Variants in UNC5D observed in about 807,000 individuals in gnomAD.
UNC5D encodes netrin receptor UNC5D.
In UNC5D, 39 loss-of-function variants were observed where a neutral mutation model predicts 105.4. That is an observed-to-expected ratio of 0.37 (90% CI 0.29 to 0.48). The LOEUF (loss-of-function observed/expected upper bound fraction) is 0.48, where lower values mean the gene tolerates loss of function less well. Ranked by LOEUF, UNC5D falls within the 20% of genes least tolerant of loss-of-function variation. The pLI is 0.98. For missense variants in UNC5D, 991 were observed against 1,202.4 expected (o/e 0.82, Z 2.60); for synonymous variants, 452 against 450.4 (o/e 1.00, Z -0.04).
chr8:35,682,171 G>A (rs955578972), intron 4 of UNC5D, among the ~76,000 whole-genome samples: 1 of 152,144 alleles, frequency 6.6e-6, no homozygotes, highest in Non-Finnish European at 1.5e-5. Flanking sequence ...CACCATGTTG[G>A]TCAGGCTGGT....
intron 1 of UNC5D, among the ~76,000 whole-genome samples, chr8:35,266,393 T>C (rs1250542417): frequency 2.0e-5 from 3 of 152,208 alleles, no homozygotes; most frequent in Non-Finnish European, 4.4e-5. Context: ...GTAAATACTG[T>C]TGAAGATTTG....
intron 1 of UNC5D, among the ~76,000 whole-genome samples, chr8:35,485,398 A>G (rs527443721): frequency 6.6e-6 from 1 of 152,304 alleles, no homozygotes; most frequent in East Asian, 1.9e-4. Context: ...AGATTCCAGA[A>G]TGTTAGGAAG....
At chr8:35,661,461 C>T (rs145274860) in intron 4 of UNC5D, among the ~76,000 whole-genome samples, 144 of 152,222 alleles carry the variant, frequency 9.5e-4, no homozygotes, top group African/African-American at 3.1e-3. Context: ...CAGGAGGGTT[C>T]GGTAGAAAGA....
chr8:35,724,894 C>T (rs556261921), intron 9 of UNC5D, among the ~76,000 whole-genome samples: 24 of 152,302 alleles, frequency 1.6e-4, no homozygotes, highest in Admixed American at 1.2e-3. Flanking sequence ...GAAAGCGCAG[C>T]TCCCTGATGG....
At chr8:35,522,877 T>C (rs574708079) in intron 1 of UNC5D, among the ~76,000 whole-genome samples, 37 of 152,284 alleles carry the variant, frequency 2.4e-4, no homozygotes, top group African/African-American at 8.9e-4. Context: ...AGCACTGTTT[T>C]CCTCAACCCA....
intron 1 of UNC5D, among the ~76,000 whole-genome samples, chr8:35,460,136 A>C (rs756298951): frequency 6.6e-6 from 1 of 152,212 alleles, no homozygotes; most frequent in Non-Finnish European, 1.5e-5. Flanking sequence ...ACCAACTTGA[A>C]TGATCACTTT....
In UNC5D at chr8:35,663,099, C is replaced by G. The variant is rs114182534; in HGVS notation, c.571-20448C>G. Among the ~76,000 whole-genome samples, 855 of 152,198 alleles carry G rather than the reference C, an allele frequency of 5.6e-3. 10 individuals are homozygous for G. The highest frequency in any genetic ancestry group is 0.019 in the African/African-American group (774 of 41,544). The stretch of plus-strand genomic sequence containing the variant: ...TCTTCCACAAAACCAGTCCATGGTG[C>G]CAAAAAGGTTGAGGACCGCTGCTTT... On this transcript the variant is annotated intron_variant, in intron 4 of 16. Transcript: ENST00000404895.
chr8:35,418,195 G>C (rs535866179), intron 1 of UNC5D, among the ~76,000 whole-genome samples: 16 of 152,128 alleles, frequency 1.1e-4, no homozygotes, highest in African/African-American at 3.9e-4. Flanking sequence ...CCAGGGCTAA[G>C]GTCAGTAGTG....
chr8:35,330,683 A>G (rs537972482), intron 1 of UNC5D, among the ~76,000 whole-genome samples: 5 of 152,324 alleles, frequency 3.3e-5, no homozygotes, highest in African/African-American at 7.2e-5. Context: ...TGAAATATAC[A>G]TAAGATGATA....
At chr8:35,299,844 T>G (rs890740214) in intron 1 of UNC5D, among the ~76,000 whole-genome samples, 1 of 152,084 alleles carries the variant, frequency 6.6e-6, no homozygotes, top group Non-Finnish European at 1.5e-5. Flanking sequence ...AACTGTAAAA[T>G]AGAGTGAGGA....
At chr8:35,343,036 A>G (rs1811564677) in intron 1 of UNC5D, among the ~76,000 whole-genome samples, 1 of 151,998 alleles carries the variant, frequency 6.6e-6, no homozygotes, top group Non-Finnish European at 1.5e-5. Flanking sequence ...TTCTGGTCCT[A>G]CTCCTAGAGT....
intron 1 of UNC5D, among the ~76,000 whole-genome samples, chr8:35,253,532 G>T (rs1803863333): frequency 7.4e-6 from 1 of 135,446 alleles, no homozygotes; most frequent in Non-Finnish European, 1.5e-5. Flanking sequence ...TGTCGCCCAG[G>T]CTGGAGTGCA....
In UNC5D at chr8:35,478,252, C is replaced by T. The variant is rs1258899233; in HGVS notation, c.104-71040C>T. ...AATTTGAAAAAATAATATGTGAGCC[C>T]ACATCAGAAAGTCAACACAGTGGTT... On this transcript the variant is annotated intron_variant, in intron 1 of 16. Transcript: ENST00000404895. Among the ~76,000 whole-genome samples the T allele has an allele frequency of 3.3e-5, 5 of 151,920 alleles. No homozygotes were observed. The East Asian group carries it at 7.7e-4, about 23-fold the overall frequency.
chr8:35,767,112 GATAAGA>G, intron 15 of UNC5D, 46 bp downstream of exon 15: 1 of 1,556,484 alleles, frequency 6.4e-7, no homozygotes, highest in South Asian at 1.2e-5. Context: ...TCTGAAGGAC[GATAAGA>G]ATAATAAAGC....
chr8:35,337,727 C>T (rs1430490169), intron 1 of UNC5D, among the ~76,000 whole-genome samples: 1 of 151,638 alleles, frequency 6.6e-6, no homozygotes, highest in Non-Finnish European at 1.5e-5. Flanking sequence ...TTCTATGCAA[C>T]TATAGACTGA....
intron 4 of UNC5D, among the ~76,000 whole-genome samples, chr8:35,634,933 A>T (rs371496935): frequency 1.3e-3 from 193 of 151,650 alleles, no homozygotes; most frequent in African/African-American, 4.3e-3. Context: ...GCCTGGCTAA[A>T]TTTTGTATTT....
At chr8:35,741,448 T>C (rs1171644867) in intron 11 of UNC5D, among the ~76,000 whole-genome samples, 5 of 152,182 alleles carry the variant, frequency 3.3e-5, no homozygotes, top group South Asian at 2.1e-4. Flanking sequence ...TGAATGGAGC[T>C]TGTTGCTTGT....
At chr8:35,790,257 A>G (rs1166463094) in intron 16 of UNC5D, 102 bp from the exon 17 acceptor site, 4 of 1,264,740 alleles carry the variant, frequency 3.2e-6, no homozygotes, top group Non-Finnish European at 4.5e-6. Flanking sequence ...TACTATAATA[A>G]CATCTATTAA....
chr8:35,591,847 G>A (rs1819195583), intron 3 of UNC5D, among the ~76,000 whole-genome samples: 2 of 152,160 alleles, frequency 1.3e-5, no homozygotes, highest in South Asian at 4.1e-4. Context: ...AAGCACACTA[G>A]TAGAGGACAT....
Sources: gnomAD v4.1 joint callset for allele counts (sites outside exome capture counted in the v4.1 genomes callset) on GRCh38, gnomAD v4.1.1 for gene constraint, MANE v1.5 for transcripts, NCBI Gene and HGNC (gene_info 2026-07-23, HGNC 2026-07-21) for gene names.